Variants in LCLAT1 observed in about 807,000 individuals in gnomAD.
LCLAT1 encodes the protein lysocardiolipin acyltransferase 1.
LCLAT1 carries 11 observed loss-of-function variants against 30.7 expected under a neutral mutation model. The ratio of observed to expected loss-of-function variants is 0.36; its 90% CI spans 0.23 to 0.59. LCLAT1 has a LOEUF of 0.59. Ranked by LOEUF, LCLAT1 falls within the 20% of genes least tolerant of loss-of-function variation. LCLAT1 has a pLI of 0.77. For missense variants in LCLAT1, 402 were observed against 458.6 expected, an observed-to-expected ratio of 0.88 and a Z score of 1.13; for synonymous variants, 155 against 151.3, an observed-to-expected ratio of 1.02 and a Z score of -0.18.
chr2:30,489,859 A>G (rs1038294576), intron 1 of LCLAT1, among the ~76,000 whole-genome samples: 4 of 152,218 alleles, frequency 2.6e-5, no homozygotes, highest in Non-Finnish European at 5.9e-5. Context: ...TAAAACATGC[A>G]AAAAACTGGT....
At chr2:30,506,541 A>C (rs1303161878) in intron 1 of LCLAT1, among the ~76,000 whole-genome samples, 2 of 152,152 alleles carry the variant, frequency 1.3e-5, no homozygotes, top group Non-Finnish European at 2.9e-5. Flanking sequence ...TAAGAATACA[A>C]ATAAAAGATT....
chr2:30,477,187 A>T (rs1329410629), intron 1 of LCLAT1, among the ~76,000 whole-genome samples: 1 of 152,016 alleles, frequency 6.6e-6, no homozygotes, highest in East Asian at 1.9e-4. Flanking sequence ...CACCCTCTTT[A>T]TTGGATTTTA....
At chr2:30,625,336 G>T (rs1668452398) in intron 5 of LCLAT1, among the ~76,000 whole-genome samples, 1 of 152,126 alleles carries the variant, frequency 6.6e-6, no homozygotes, top group African/African-American at 2.4e-5. Context: ...TAGACCATTA[G>T]TGAGATTAAC....
intron 1 of LCLAT1, among the ~76,000 whole-genome samples, chr2:30,494,888 A>C (rs1051893068): frequency 6.6e-6 from 1 of 150,424 alleles, no homozygotes; most frequent in Non-Finnish European, 1.5e-5. Context: ...GAAGTATAGT[A>C]AATCTATATA....
At position 30,467,678 on chromosome 2, in the gene LCLAT1, C is replaced by T. The variant is rs548763931; in HGVS notation, c.-5+20295C>T. 2.3e-3 allele frequency among the ~76,000 whole-genome samples: 349 copies of T among 152,358 alleles called. 2 individuals are homozygous for T. Among genetic ancestry groups the T allele is most frequent in the Admixed American group, 4.6e-3 (71 of 15,306 alleles). On this transcript the variant is annotated intron_variant, in intron 1 of 5. Transcript: ENST00000379509. Reference sequence around the variant, plus strand: ...CATTGTGGTTTTGATTTGCATTTCCCTGATGGCCAGTGATGATGAGCATTT... The same window carrying T: ...CATTGTGGTTTTGATTTGCATTTCCTTGATGGCCAGTGATGATGAGCATTT...
intron 1 of LCLAT1, among the ~76,000 whole-genome samples, chr2:30,497,163 T>C (rs1338931048): frequency 1.3e-5 from 2 of 152,252 alleles, no homozygotes; most frequent in Non-Finnish European, 2.9e-5. Context: ...TTTTCTGATA[T>C]AAACCGAAGT....
At chr2:30,484,212 T>A (rs557912852) in intron 1 of LCLAT1, among the ~76,000 whole-genome samples, 1 of 152,276 alleles carries the variant, frequency 6.6e-6, no homozygotes, top group South Asian at 2.1e-4. Context: ...AAACTCAAAT[T>A]CGCTTTCAAA....
chr2:30,637,511 A>G (rs769175756), intron 5 of LCLAT1, among the ~76,000 whole-genome samples: 14 of 152,074 alleles, frequency 9.2e-5, no homozygotes, highest in Non-Finnish European at 1.9e-4. Flanking sequence ...CCCTTTCTCA[A>G]ATGGTAAATA....
intron 3 of LCLAT1, among the ~76,000 whole-genome samples, chr2:30,545,779 C>CTAG (rs1664378127): frequency 6.6e-6 from 1 of 152,094 alleles, no homozygotes; most frequent in South Asian, 2.1e-4. Flanking sequence ...GTCCATTTGC[C>CTAG]TAGTGATTTT....
chr2:30,615,152 A>G lies in LCLAT1; in HGVS notation c.629-24965A>G, dbSNP rs79812550. Among the ~76,000 whole-genome samples, 1,478 of 152,260 alleles carry G rather than the reference A, an allele frequency of 9.7e-3. 23 individuals are homozygous for G. Among genetic ancestry groups the G allele is most frequent in the African/African-American group, 0.033 (1,389 of 41,536 alleles). On this transcript the variant is annotated intron_variant, in intron 5 of 5. Coordinates refer to ENST00000379509, the MANE Select transcript of LCLAT1 (RefSeq NM_001002257.3). ...CCAAGAGGGAATGATGGGAGAAGTT[A>G]TAATATGTTGATGGTCAAGATAGAA...
intron 3 of LCLAT1, among the ~76,000 whole-genome samples, chr2:30,559,615 A>C (rs1032132276): frequency 1.3e-5 from 2 of 152,204 alleles, no homozygotes; most frequent in Admixed American, 6.5e-5. Flanking sequence ...TAGATAATCT[A>C]TAGCTTTATT....
chr2:30,450,515 A>G (rs981572997), intron 1 of LCLAT1, among the ~76,000 whole-genome samples: 1 of 140,730 alleles, frequency 7.1e-6, no homozygotes, highest in Non-Finnish European at 1.6e-5. Flanking sequence ...TGGGTGTTAG[A>G]ATTTTTTTCT....
intron 5 of LCLAT1, among the ~76,000 whole-genome samples, chr2:30,596,389 TC>T (rs1334890014): frequency 6.6e-6 from 1 of 152,124 alleles, no homozygotes; most frequent in Non-Finnish European, 1.5e-5. Context: ...TCTCTGATGA[TC>T]AGTGATGTTG....
At chr2:30,588,627 C>G (rs1164957024) in intron 5 of LCLAT1, among the ~76,000 whole-genome samples, 5 of 152,062 alleles carry the variant, frequency 3.3e-5, no homozygotes, top group African/African-American at 1.2e-4. Flanking sequence ...ACTATTGTTG[C>G]CCAGGCTGGA....
At chr2:30,508,730 A>C (rs1239731220) in intron 1 of LCLAT1, among the ~76,000 whole-genome samples, 2 of 151,856 alleles carry the variant, frequency 1.3e-5, no homozygotes, top group Non-Finnish European at 2.9e-5. Context: ...GCCTAAGCAA[A>C]AAGTGAAGAG....
chr2:30,522,496 G>C (rs1685524659), intron 1 of LCLAT1, among the ~76,000 whole-genome samples: 2 of 152,164 alleles, frequency 1.3e-5, no homozygotes, highest in African/African-American at 2.4e-5. Flanking sequence ...ATTAAATGCA[G>C]AGTCACATAG....
chr2:30,501,074 T>C (rs1392128732), intron 1 of LCLAT1, among the ~76,000 whole-genome samples: 2 of 78,350 alleles, frequency 2.6e-5, no homozygotes, highest in Non-Finnish European at 4.8e-5. Flanking sequence ...TTTTGTTTTG[T>C]TCTGTGTGTG....
intron 5 of LCLAT1, among the ~76,000 whole-genome samples, chr2:30,568,948 C>T (rs1247329115): frequency 1.4e-5 from 2 of 146,490 alleles, no homozygotes; most frequent in African/African-American, 5.0e-5. Flanking sequence ...GAGAATATAT[C>T]ATTCTCTTAC....
chr2:30,519,957 C>A (rs534923624), intron 1 of LCLAT1, among the ~76,000 whole-genome samples: 1 of 152,218 alleles, frequency 6.6e-6, no homozygotes, highest in Non-Finnish European at 1.5e-5. Context: ...GTGTCCGCTG[C>A]GCTTCTGATC....
Sources: gnomAD v4.1 joint callset for allele counts (sites outside exome capture counted in the v4.1 genomes callset) on GRCh38, gnomAD v4.1.1 for gene constraint, MANE v1.5 for transcripts, NCBI Gene and HGNC (gene_info 2026-07-23, HGNC 2026-07-21) for gene names.